Variants in EMILIN2 observed in about 807,000 individuals in gnomAD.
EMILIN2 encodes EMILIN-2.
Under a neutral mutation model 87.1 loss-of-function variants are expected in EMILIN2, and 71 were observed. That is an observed-to-expected ratio of 0.82 (90% CI 0.67 to 0.99). The LOEUF (loss-of-function observed/expected upper bound fraction) is 0.99. Among genes scored for constraint, EMILIN2 ranks in the 50% least tolerant of loss-of-function variants. EMILIN2 has a pLI of 0.00. For missense variants in EMILIN2, 1,407 were observed against 1,371.8 expected (o/e 1.03, Z -0.40); for synonymous variants, 581 against 563.4 (o/e 1.03, Z -0.44).
rs760263461 is a variant in EMILIN2, at chr18:2,890,871, T to A, written c.744T>A (p.Ser248Arg). Residue 248 changes from serine (S) to arginine (R), a missense_variant, in exon 4 of 8, where the codon AGT becomes AGA. Ser to Arg is a moderately radical substitution (Grantham distance 110, BLOSUM62 -1). Transcript: ENST00000254528. This position sits in a 1 kb window ranked among gnomAD's most constrained non-coding sequence, Gnocchi z 4.7. ...TVSGDTETGQ[S>R]PGVFNTKESG... ...GTGGAGACACAGAAACGGGCCAGAG[T>A]CCTGGTGTCTTCAACACTAAGGAAT... 6.2e-7 allele frequency: 1 copy of A among 1,613,250 alleles called. No individual in the cohort carries two copies. Among genetic ancestry groups the A allele is most frequent in the South Asian group, 1.1e-5 (1 of 91,042 alleles).
At chr18:2,904,652 TCTA>T (rs1373334068) in intron 4 of EMILIN2, among the ~76,000 whole-genome samples, 1 of 152,244 alleles carries the variant, frequency 6.6e-6, no homozygotes, top group Non-Finnish European at 1.5e-5. Context: ...TGCAGTATCT[TCTA>T]CTTCTCTGAG....
chr18:2,853,548 A>G (rs2076611996), intron 2 of EMILIN2, among the ~76,000 whole-genome samples: 1 of 152,180 alleles, frequency 6.6e-6, no homozygotes, highest in African/African-American at 2.4e-5. Context: ...CTTAAAGTGC[A>G]TCGTGAGAAT....
intron 3 of EMILIN2, 30 bp downstream of exon 3, chr18:2,885,169 G>T: frequency 6.5e-7 from 1 of 1,543,898 alleles, no homozygotes; most frequent in East Asian, 2.3e-5. Flanking sequence ...ATTATGTATG[G>T]CCACCTTTAA....
intron 2 of EMILIN2, among the ~76,000 whole-genome samples, chr18:2,864,532 A>C (rs1425374710): frequency 1.3e-5 from 2 of 152,180 alleles, no homozygotes. Flanking sequence ...TTTCTTTAAG[A>C]ATGTTGAATA....
In EMILIN2 at chr18:2,847,918, C is replaced by G; in HGVS notation, c.244C>G (p.Pro82Ala). The stretch of plus-strand genomic sequence containing the variant: ...CTGTGCCTGGAACCAGATGCCCTGT[C>G]CGTCGGCGCTGGTGTAAGTCCTGGA... ...YNCAWNQMPC[P>A]SALVYRVNFR... Residue 82 changes from proline (P) to alanine (A), a missense_variant, in exon 2 of 8, where the codon CCG becomes GCG. Pro to Ala is a conservative substitution (Grantham distance 27). Transcript: ENST00000254528. The surrounding 1 kb of genome is among the most constrained non-coding windows in gnomAD (Gnocchi z 4.5). 1 of 1,611,624 alleles carries G rather than the reference C, an allele frequency of 6.2e-7. No homozygotes were observed. The highest frequency in any genetic ancestry group is 8.5e-7 in the Non-Finnish European group (1 of 1,179,564).
intron 2 of EMILIN2, among the ~76,000 whole-genome samples, chr18:2,857,078 G>A (rs2076631648): frequency 6.6e-6 from 1 of 152,190 alleles, no homozygotes; most frequent in Admixed American, 6.5e-5. Context: ...GGACCCAGAA[G>A]GACTCAGCTG....
chr18:2,908,890 G>C, intron 5 of EMILIN2, 53 bp from the exon 6 acceptor site: 2 of 1,610,482 alleles, frequency 1.2e-6, no homozygotes, highest in Non-Finnish European at 8.5e-7. Flanking sequence ...CTCAGAACAA[G>C]GAGCTGGTGC....
chr18:2,880,875 C>T lies in EMILIN2; in HGVS notation c.258-4089C>T, dbSNP rs1472657065. Among the ~76,000 whole-genome samples the T allele has an allele frequency of 6.6e-6, 1 of 152,212 alleles. No homozygotes were observed. Among genetic ancestry groups the T allele is most frequent in the Non-Finnish European group, 1.5e-5 (1 of 68,040 alleles). On this transcript the variant is annotated intron_variant, in intron 2 of 7. Transcript: ENST00000254528. The surrounding 1 kb of genome is among the most constrained non-coding windows in gnomAD (Gnocchi z 4.1). ...CCACTTTGGCTGCACTTGACAACGA[C>T]TTGGGGACTTTTAGAAAGGTACGAG...
chr18:2,909,095 C>T (rs752193258), intron 6 of EMILIN2, 120 bp downstream of exon 6: 4 of 1,245,558 alleles, frequency 3.2e-6, no homozygotes, highest in Non-Finnish European at 4.7e-6. Flanking sequence ...TGGGCCCAGC[C>T]CTTCCCCACC....
intron 3 of EMILIN2, among the ~76,000 whole-genome samples, chr18:2,888,584 G>A (rs1157462760): frequency 6.6e-6 from 1 of 151,836 alleles, no homozygotes; most frequent in Non-Finnish European, 1.5e-5. Flanking sequence ...GCATGGTGGT[G>A]GGCACCTGTA....
rs778704023 is a variant in EMILIN2, at chr18:2,892,208, G to T, written c.2081G>T (p.Gly694Val). Residue 694 changes from glycine to valine, a missense_variant, in exon 4 of 8, where the codon GGG becomes GTG. Transcript: ENST00000254528. ...GATGCTTGTAAGGAATGCACGCAGG[G>T]GGTCCAGAGGGAGGTCTCCATGGTG... ...ELDACKECTQ[G>V]VQREVSMVEG... The T allele has an allele frequency of 3.7e-6, 6 of 1,608,234 alleles. No homozygotes were observed. Among genetic ancestry groups the T allele is most frequent in the Non-Finnish European group, 5.1e-6 (6 of 1,175,924 alleles).
intron 4 of EMILIN2, 74 bp downstream of exon 4, chr18:2,892,560 G>C (rs932343903): frequency 4.7e-6 from 7 of 1,494,780 alleles, no homozygotes; most frequent in African/African-American, 1.4e-5. Context: ...ATAATTTTTT[G>C]TTCATTTTTG....
intron 4 of EMILIN2, among the ~76,000 whole-genome samples, chr18:2,900,132 G>GT (rs11314488): frequency 0.2 from 29,647 of 150,998 alleles, 3,078 homozygotes; most frequent in Non-Finnish European, 0.24. Flanking sequence ...AAGCTTGAGG[G>GT]TTTTTTTTTT....
chr18:2,899,022 G>C (rs1227727827), intron 4 of EMILIN2, among the ~76,000 whole-genome samples: 1 of 152,136 alleles, frequency 6.6e-6, no homozygotes, highest in Non-Finnish European at 1.5e-5. Context: ...ACTTAGAGCT[G>C]CAGTGTTCGG....
Position 2,890,439 on chromosome 18 carries a change from T to C in EMILIN2, c.434-122T>C. ...ACTGTACCACAGTACTTACCTACAA[T>C]TGTGTAGTGACCTGTAAGTGAAGAT... is the stretch of plus-strand genomic sequence containing the variant. On this transcript the variant is annotated intron_variant, in intron 3 of 7. Coordinates refer to ENST00000254528, the MANE Select transcript of EMILIN2 (RefSeq NM_032048.3). This position sits in a 1 kb window ranked among gnomAD's most constrained non-coding sequence, Gnocchi z 4.7. 3 of 1,188,642 alleles carry C rather than the reference T, an allele frequency of 2.5e-6. No homozygotes were observed. Among genetic ancestry groups the C allele is most frequent in the East Asian group, 2.4e-5 (1 of 41,480 alleles). 73.6% of individuals were successfully genotyped at this position (1,188,642 alleles called of 1,614,324 possible). A position where few individuals can be genotyped will look rare whatever the true frequency, so the allele number is the denominator to read the frequency against.
intron 2 of EMILIN2, among the ~76,000 whole-genome samples, chr18:2,853,320 T>C (rs906119867): frequency 2.0e-5 from 3 of 152,134 alleles, no homozygotes; most frequent in South Asian, 2.1e-4. Flanking sequence ...CCCCAGCCCT[T>C]GGGACATTCC....
intron 2 of EMILIN2, among the ~76,000 whole-genome samples, chr18:2,862,747 G>A (rs1181735495): frequency 6.6e-6 from 1 of 152,186 alleles, no homozygotes; most frequent in Non-Finnish European, 1.5e-5. Context: ...AAATAAGTTA[G>A]GGAGGATTGC....
intron 2 of EMILIN2, among the ~76,000 whole-genome samples, chr18:2,867,944 T>C (rs1331604679): frequency 6.8e-6 from 1 of 147,548 alleles, no homozygotes; most frequent in Non-Finnish European, 1.5e-5. Context: ...GAGGCGCCCC[T>C]CACCTCCCGG....
intron 2 of EMILIN2, among the ~76,000 whole-genome samples, chr18:2,869,786 T>TTGTGTGTGTGTGTGTGTGTGTG (rs777623155): frequency 9.1e-4 from 54 of 59,158 alleles, no homozygotes; most frequent in African/African-American, 3.0e-3. Context: ...GTGTGTGTGT[T>TTGTGTGTGTGTGTGTGTGTGTG]TGTGTGTGTG....
Sources: gnomAD v4.1 joint callset for allele counts (sites outside exome capture counted in the v4.1 genomes callset) on GRCh38, gnomAD v4.1.1 for gene constraint, Gnocchi (gnomAD v3.1) non-coding constraint, MANE v1.5 for transcripts, NCBI Gene and HGNC (gene_info 2026-07-23, HGNC 2026-07-21) for gene names.